Variants in CHN1 observed in about 807,000 individuals in gnomAD.
CHN1 encodes chimerin 1.
CHN1 carries 37 observed loss-of-function variants against 59.5 expected under a neutral mutation model. The ratio of observed to expected loss-of-function variants is 0.62; its 90% confidence interval spans 0.48 to 0.82. The LOEUF is 0.82. Ranked by LOEUF, CHN1 falls within the 40% of genes least tolerant of loss-of-function variation. The pLI, the probability that CHN1 is intolerant of heterozygous loss-of-function variation, is 0.00. For synonymous variants in CHN1, 206 were observed against 200.4 expected (o/e 1.03, Z -0.24); for missense variants, 469 against 571.0 (o/e 0.82, Z 1.82).
chr2:174,938,460 T>C (rs999277080), intron 3 of CHN1, among the ~76,000 whole-genome samples: 2 of 152,188 alleles, frequency 1.3e-5, no homozygotes, highest in African/African-American at 4.8e-5. Context: ...TATTTGTAAA[T>C]CTAATCATTA....
chr2:174,993,940 G>T (rs1691627959), intron 1 of CHN1, among the ~76,000 whole-genome samples: 1 of 152,116 alleles, frequency 6.6e-6, no homozygotes, highest in Non-Finnish European at 1.5e-5. Context: ...GGTTCCTGTA[G>T]CAGACAAATT....
At chr2:174,984,905 T>G (rs1196604457) in intron 1 of CHN1, among the ~76,000 whole-genome samples, 1 of 152,222 alleles carries the variant, frequency 6.6e-6, no homozygotes, top group East Asian at 1.9e-4. Flanking sequence ...AATAGATTCT[T>G]TCTTCAACAA....
At chr2:174,928,449 G>T (rs931240846) in intron 3 of CHN1, among the ~76,000 whole-genome samples, 8 of 152,192 alleles carry the variant, frequency 5.3e-5, no homozygotes, top group Admixed American at 4.6e-4. Context: ...AAATAAACAC[G>T]TTAAAAGTTT....
At chr2:174,985,187 T>C (rs1691299089) in intron 1 of CHN1, among the ~76,000 whole-genome samples, 1 of 152,194 alleles carries the variant, frequency 6.6e-6, no homozygotes, top group South Asian at 2.1e-4. Context: ...CATGTAGCTC[T>C]TTCCATTGAA....
intron 11 of CHN1, among the ~76,000 whole-genome samples, chr2:174,808,235 A>T (rs1249860937): frequency 1.3e-5 from 2 of 152,230 alleles, no homozygotes; most frequent in Non-Finnish European, 2.9e-5. Context: ...AATCTGATAG[A>T]AATTTTATGT....
At position 174,844,561 on chromosome 2, in the gene CHN1, C is replaced by T. The variant is rs16862875; in HGVS notation, c.627+2319G>A. Among the ~76,000 whole-genome samples the T allele has an allele frequency of 2.3e-3, 345 of 152,256 alleles. 2 individuals carry two copies. The highest frequency in any genetic ancestry group is 8.0e-3 in the African/African-American group (334 of 41,554). ...ATGACAAGGATACATGAATGATTATCGTCATGGAAATGCTACGGTTTTTCC... is the reference window on the plus strand; with the variant it reads ...ATGACAAGGATACATGAATGATTATTGTCATGGAAATGCTACGGTTTTTCC... On this transcript the variant is annotated intron_variant, in intron 7 of 12. Coordinates refer to ENST00000409900, the MANE Select transcript of CHN1 (RefSeq NM_001822.7).
At chr2:174,966,171 A>C (rs1690583051) in intron 1 of CHN1, among the ~76,000 whole-genome samples, 1 of 152,218 alleles carries the variant, frequency 6.6e-6, no homozygotes, top group Non-Finnish European at 1.5e-5. Context: ...AAATCAGGTC[A>C]GTTAAATTCA....
chr2:174,878,483 T>C (rs1190473955), intron 5 of CHN1, among the ~76,000 whole-genome samples: 1 of 152,216 alleles, frequency 6.6e-6, no homozygotes, highest in Non-Finnish European at 1.5e-5. Context: ...AACTCCATAA[T>C]AGATGACATT....
chr2:174,864,486 A>G (rs1425280758), intron 6 of CHN1, among the ~76,000 whole-genome samples: 2 of 152,232 alleles, frequency 1.3e-5, no homozygotes, highest in Non-Finnish European at 2.9e-5. Context: ...TTTCATTAAT[A>G]TGCAAATAAA....
At chr2:174,950,455 C>T (rs902847005) in intron 2 of CHN1, among the ~76,000 whole-genome samples, 4 of 151,728 alleles carry the variant, frequency 2.6e-5, no homozygotes, top group South Asian at 2.1e-4. Flanking sequence ...TTAGTAGAGA[C>T]GGGTTTCACC....
At position 175,005,307 on chromosome 2, in the gene CHN1, C is replaced by G; in HGVS notation, c.-395G>C. 8.4e-7 allele frequency: 1 copy of G among 1,196,306 alleles called. No individual in the cohort carries two copies. The highest frequency in any genetic ancestry group is 1.1e-6 in the Non-Finnish European group (1 of 946,776). 74.1% of individuals were successfully genotyped at this position (1,196,306 alleles called of 1,614,324 possible). On this transcript the variant is annotated 5_prime_UTR_variant, in exon 1 of 13. Transcript: ENST00000409900. ...GACGGGGAGAGCAGCAGCAGCCTCGCACAGCCCCCGGCGGGGCGCGCTCAC... is the reference window on the plus strand; with the variant it reads ...GACGGGGAGAGCAGCAGCAGCCTCGGACAGCCCCCGGCGGGGCGCGCTCAC...
intron 5 of CHN1, among the ~76,000 whole-genome samples, chr2:174,890,576 A>T (rs1688016273): frequency 6.6e-6 from 1 of 152,180 alleles, no homozygotes; most frequent in South Asian, 2.1e-4. Context: ...AGAGCACCCA[A>T]ATATACAAAG....
rs528064765 is a variant in CHN1, at chr2:174,867,144, C to T, written c.549+10696G>A. ...ATCCTAGCACTTTGGGAGGCCAAGG[C>T]AGGCGGATCAGTTGAACTCAGGAGT... On this transcript the variant is annotated intron_variant, in intron 6 of 12. Coordinates refer to ENST00000409900, the MANE Select transcript of CHN1 (RefSeq NM_001822.7). 7.9e-5 allele frequency among the ~76,000 whole-genome samples: 12 copies of T among 150,966 alleles called. No individual in the cohort carries two copies. In the South Asian group the frequency reaches 1.7e-3, roughly 21 times the overall value.
chr2:174,880,752 A>T (rs959197973), intron 5 of CHN1, among the ~76,000 whole-genome samples: 1 of 152,322 alleles, frequency 6.6e-6, no homozygotes, highest in South Asian at 2.1e-4. Flanking sequence ...TGCTAAATTT[A>T]AAAAAGTCTA....
At chr2:174,972,538 T>C (rs969130306) in intron 1 of CHN1, among the ~76,000 whole-genome samples, 2 of 152,166 alleles carry the variant, frequency 1.3e-5, no homozygotes, top group Non-Finnish European at 2.9e-5. Flanking sequence ...GATTAATAAA[T>C]GAGTGATCTA....
intron 1 of CHN1, among the ~76,000 whole-genome samples, chr2:174,992,077 G>A (rs529342335): frequency 1.2e-4 from 18 of 152,294 alleles, no homozygotes; most frequent in African/African-American, 3.9e-4. Context: ...GGGTGACAGA[G>A]GGCAGAGGAA....
intron 5 of CHN1, among the ~76,000 whole-genome samples, chr2:174,894,199 T>C (rs961017309): frequency 1.3e-5 from 2 of 152,106 alleles, no homozygotes; most frequent in South Asian, 2.1e-4. Context: ...GGAGGAAATA[T>C]TTATAAGCCA....
chr2:174,843,797 A>C (rs916133822), intron 7 of CHN1, among the ~76,000 whole-genome samples: 1 of 152,036 alleles, frequency 6.6e-6, no homozygotes, highest in Non-Finnish European at 1.5e-5. Flanking sequence ...CGATGTAGAG[A>C]GAGATTAAGC....
intron 1 of CHN1, among the ~76,000 whole-genome samples, chr2:174,990,854 T>C (rs1339155169): frequency 6.6e-6 from 1 of 152,136 alleles, no homozygotes; most frequent in Non-Finnish European, 1.5e-5. Context: ...CTTTATAACA[T>C]CCAAATTTGA....
Sources: allele counts gnomAD v4.1 joint callset (sites outside exome capture counted in the v4.1 genomes callset), GRCh38; gene constraint gnomAD v4.1.1; transcripts MANE v1.5; gene names NCBI Gene and HGNC (gene_info 2026-07-23, HGNC 2026-07-21).